The following NDUFA10 variants were observed in gnomAD, a reference collection of about 807,000 sequenced individuals.
The protein encoded by NDUFA10 is NADH:ubiquinone oxidoreductase subunit A10, also known as NADH dehydrogenase [ubiquinone] 1 alpha subcomplex subunit 10, mitochondrial.
In NDUFA10, 40 loss-of-function variants were observed where a neutral mutation model predicts 47.8. The ratio of observed to expected loss-of-function variants is 0.84; its 90% CI spans 0.65 to 1.09. The LOEUF is 1.09. NDUFA10 is among the 50% of genes least tolerant of loss of function. The probability of loss-of-function intolerance (pLI) is 0.00; values close to 1 mark genes in which losing one functional copy is unlikely to be tolerated. For missense variants in NDUFA10, 413 were observed against 451.1 expected, an observed-to-expected ratio of 0.92 and a Z score of 0.76; for synonymous variants, 183 against 172.2, an observed-to-expected ratio of 1.06 and a Z score of -0.49.
intron 9 of NDUFA10, among the ~76,000 whole-genome samples, chr2:239,964,385 A>C (rs1318645872): frequency 6.6e-6 from 1 of 152,120 alleles, no homozygotes; most frequent in Non-Finnish European, 1.5e-5. Context: ...TCTCCCCTTG[A>C]GCCCCCGGAA....
chr2:240,017,535 A>G (rs1697410373), intron 4 of NDUFA10, among the ~76,000 whole-genome samples: 1 of 151,990 alleles, frequency 6.6e-6, no homozygotes, highest in South Asian at 2.1e-4. Context: ...AACCATCCCC[A>G]TTGGTTCAAC....
intron 9 of NDUFA10, among the ~76,000 whole-genome samples, 155 bp from the exon 10 acceptor site, chr2:239,961,341 T>C (rs1694846763): frequency 6.6e-6 from 1 of 152,226 alleles, no homozygotes; most frequent in Non-Finnish European, 1.5e-5. Flanking sequence ...CTCCTGTGAG[T>C]GCAAGGATGC....
chr2:239,986,193 T>G (rs775063145), intron 9 of NDUFA10, among the ~76,000 whole-genome samples: 2 of 152,136 alleles, frequency 1.3e-5, no homozygotes, highest in Non-Finnish European at 2.9e-5. Flanking sequence ...TTGGAAGCAC[T>G]GAAAGAAAAT....
intron 9 of NDUFA10, among the ~76,000 whole-genome samples, chr2:239,985,474 CAA>C (rs879441423): frequency 1.5e-4 from 18 of 120,420 alleles, no homozygotes; most frequent in Non-Finnish European, 8.8e-5. Context: ...GATGCACACT[CAA>C]AAAAAAAAAA....
chr2:240,016,039 A>C lies in NDUFA10; in HGVS notation c.548-1179T>G, dbSNP rs992707795. 2.0e-5 allele frequency among the ~76,000 whole-genome samples: 3 copies of C among 152,138 alleles called. No individual in the cohort carries two copies. The highest frequency in any genetic ancestry group is 2.0e-4 in the Admixed American group (3 of 15,284). On this transcript the variant is annotated intron_variant, in intron 4 of 9. Transcript: ENST00000252711. This position sits in a 1 kb window ranked among gnomAD's most constrained non-coding sequence, Gnocchi z 4.4. Reference sequence around the variant, plus strand: ...AGTCTCCTAACCTAGTCTCAAAATAAATAAATAAAAATTTTAAAAATTAAA... The same window carrying C: ...AGTCTCCTAACCTAGTCTCAAAATACATAAATAAAAATTTTAAAAATTAAA...
chr2:239,971,901 C>G (rs1695318872), intron 9 of NDUFA10, among the ~76,000 whole-genome samples: 1 of 152,176 alleles, frequency 6.6e-6, no homozygotes. Context: ...ATCTGTCAAT[C>G]AGCATATATA....
intron 9 of NDUFA10, chr2:239,983,613 G>A (rs1184979056): frequency 6.3e-7 from 1 of 1,590,644 alleles, no homozygotes. Flanking sequence ...ACCTCAGCCA[G>A]GAGCCCACGG....
chr2:239,931,559 A>G (rs1694174619), intron 4 of NDUFA10, among the ~76,000 whole-genome samples: 1 of 152,176 alleles, frequency 6.6e-6, no homozygotes. Flanking sequence ...TCTTTCCCCC[A>G]AGCAGGGTCT....
At chr2:239,905,901 A>G (rs1693646993) in intron 4 of NDUFA10, among the ~76,000 whole-genome samples, 2 of 149,658 alleles carry the variant, frequency 1.3e-5, no homozygotes, top group South Asian at 4.3e-4. Flanking sequence ...GAAGCAGTCC[A>G]AGTGGGAGAG....
chr2:239,975,644 C>T (rs1695488157), intron 9 of NDUFA10, among the ~76,000 whole-genome samples: 1 of 152,296 alleles, frequency 6.6e-6, no homozygotes, highest in East Asian at 1.9e-4. Context: ...GTTACCACTG[C>T]GATCAGCAGC....
chr2:239,899,040 GGGGTGT>G (rs1693468531), intron 4 of NDUFA10, among the ~76,000 whole-genome samples: 1 of 95,198 alleles, frequency 1.1e-5, no homozygotes, highest in African/African-American at 3.6e-5. Flanking sequence ...GTGTAAAGGA[GGGGTGT>G]GATGGAGGAG....
At chr2:239,919,372 G>T (rs970549555) in intron 4 of NDUFA10, among the ~76,000 whole-genome samples, 4 of 151,988 alleles carry the variant, frequency 2.6e-5, no homozygotes, top group Non-Finnish European at 4.4e-5. Flanking sequence ...GTCCTTCATG[G>T]CTCCTTGAAT....
At chr2:239,930,134 C>T (rs553452707) in intron 4 of NDUFA10, among the ~76,000 whole-genome samples, 2 of 145,530 alleles carry the variant, frequency 1.4e-5, no homozygotes, top group African/African-American at 5.1e-5. Flanking sequence ...AGTCCTGCTC[C>T]TCCACTGCCC....
chr2:240,018,699 T>C (rs571875060), intron 3 of NDUFA10, 60 bp from the exon 4 acceptor site: 2 of 1,518,548 alleles, frequency 1.3e-6, no homozygotes, highest in East Asian at 2.3e-5. Context: ...CACTGTCAAC[T>C]GATCACTGCA....
chr2:239,920,444 G>A (rs1693950628), intron 4 of NDUFA10, among the ~76,000 whole-genome samples: 2 of 152,232 alleles, frequency 1.3e-5, no homozygotes, highest in Non-Finnish European at 2.9e-5. Context: ...CCAGGGACAG[G>A]AGCATCCGAG....
intron 8 of NDUFA10, among the ~76,000 whole-genome samples, chr2:239,995,418 C>G (rs1021546869): frequency 6.6e-6 from 1 of 152,172 alleles, no homozygotes; most frequent in Non-Finnish European, 1.5e-5. Flanking sequence ...TAAATGTATA[C>G]TGGAAACTCC....
At chr2:240,012,058 T>C in intron 5 of NDUFA10, 1 of 336,326 alleles carries the variant, frequency 3.0e-6, no homozygotes, top group Non-Finnish European at 5.8e-6. Flanking sequence ...GGCAGCGGCC[T>C]GTCTGTCCGC....
intron 9 of NDUFA10, among the ~76,000 whole-genome samples, chr2:239,979,074 A>G (rs1695654890): frequency 6.6e-6 from 1 of 152,070 alleles, no homozygotes. Context: ...GCGTCACACC[A>G]CTCCCTGAGA....
At chr2:239,894,192 T>C (rs1279004920) in intron 5 of NDUFA10, among the ~76,000 whole-genome samples, 1 of 99,348 alleles carries the variant, frequency 1.0e-5, no homozygotes. Flanking sequence ...CCTCACTCCT[T>C]CTCCCTGCCT....
Sources: gnomAD v4.1 joint callset for allele counts (sites outside exome capture counted in the v4.1 genomes callset) on GRCh38, gnomAD v4.1.1 for gene constraint, Gnocchi (gnomAD v3.1) non-coding constraint, MANE v1.5 for transcripts, NCBI Gene and HGNC (gene_info 2026-07-23, HGNC 2026-07-21) for gene names.